The following AUTS2 variants were observed in gnomAD, a reference collection of about 807,000 sequenced individuals.
AUTS2 encodes autism susceptibility gene 2 protein.
A neutral mutation model predicts 112.4 loss-of-function variants in AUTS2; 17 were observed. The ratio of observed to expected loss-of-function variants is 0.15; its 90% CI spans 0.10 to 0.23. AUTS2 has a LOEUF of 0.23. Among genes scored for constraint, AUTS2 ranks in the 10% least tolerant of loss-of-function variants. The pLI, the probability that AUTS2 is intolerant of heterozygous loss-of-function variation, is 1.00. For synonymous variants in AUTS2, 751 were observed against 702.7 expected, an observed-to-expected ratio of 1.07 and a Z score of -1.09; for missense variants, 1,510 against 1,701.6, an observed-to-expected ratio of 0.89 and a Z score of 1.98.
At chr7:70,308,926 T>G (rs1789611845) in intron 4 of AUTS2, among the ~76,000 whole-genome samples, 1 of 152,226 alleles carries the variant, frequency 6.6e-6, no homozygotes, top group Non-Finnish European at 1.5e-5. Context: ...CTTTCGGGTC[T>G]ATAGGGGTGC....
chr7:70,182,621 G>C (rs1028160792), intron 4 of AUTS2, among the ~76,000 whole-genome samples: 10 of 152,136 alleles, frequency 6.6e-5, no homozygotes, highest in Non-Finnish European at 1.3e-4. Context: ...AGTAGAAATA[G>C]AGTGAATGTT....
At chr7:70,040,578 GTTGGC>G (rs145488228) in intron 2 of AUTS2, among the ~76,000 whole-genome samples, 16,657 of 152,118 alleles carry the variant, frequency 0.11, 1,399 homozygotes, top group African/African-American at 0.23. Flanking sequence ...ATTAGGGCAT[GTTGGC>G]TTGGTGGTAC....
chr7:69,960,898 T>A (rs1797404115), intron 2 of AUTS2, among the ~76,000 whole-genome samples: 1 of 152,102 alleles, frequency 6.6e-6, no homozygotes, highest in Non-Finnish European at 1.5e-5. Context: ...GTATATTGAT[T>A]TGCACTTTTG....
intron 4 of AUTS2, among the ~76,000 whole-genome samples, chr7:70,347,112 GC>G (rs1303941444): frequency 6.6e-6 from 1 of 152,126 alleles, no homozygotes; most frequent in African/African-American, 2.4e-5. Flanking sequence ...ATTGCGGTGT[GC>G]CTCCGTTTAC....
At chr7:69,691,158 G>C (rs1442001677) in intron 1 of AUTS2, among the ~76,000 whole-genome samples, 3 of 152,190 alleles carry the variant, frequency 2.0e-5, no homozygotes, top group Admixed American at 6.5e-5. Flanking sequence ...AGTATGTGCT[G>C]ATTGGTCCAT....
At chr7:69,608,360 C>T (rs144254345) in intron 1 of AUTS2, among the ~76,000 whole-genome samples, 95 of 152,300 alleles carry the variant, frequency 6.2e-4, no homozygotes, top group Admixed American at 2.0e-3. Context: ...CACCTACCCT[C>T]GTCTGCAGCA....
chr7:70,455,752 A>G (rs915298996), intron 5 of AUTS2, among the ~76,000 whole-genome samples: 8 of 152,152 alleles, frequency 5.3e-5, no homozygotes, highest in African/African-American at 1.9e-4. Flanking sequence ...ATGCCACTGC[A>G]CTTCAGCCTG....
intron 4 of AUTS2, among the ~76,000 whole-genome samples, chr7:70,407,926 C>T (rs908316337): frequency 2.6e-5 from 4 of 151,964 alleles, no homozygotes; most frequent in East Asian, 3.9e-4. Flanking sequence ...TGGTGGCAGG[C>T]GCCTGTAGTC....
intron 1 of AUTS2, among the ~76,000 whole-genome samples, chr7:69,777,029 T>G (rs1788928426): frequency 6.6e-6 from 1 of 152,216 alleles, no homozygotes; most frequent in East Asian, 1.9e-4. Context: ...TGTCATTACC[T>G]CTTTCCCTAA....
chr7:69,645,926 T>C (rs1795000743), intron 1 of AUTS2, among the ~76,000 whole-genome samples: 1 of 151,264 alleles, frequency 6.6e-6, no homozygotes, highest in African/African-American at 2.4e-5. Context: ...GACTCTACAG[T>C]GATGACTGGT....
At position 70,787,386 on chromosome 7, in the gene AUTS2, A is replaced by T; in HGVS notation, c.2486A>T (p.Asp829Val). The T allele has an allele frequency of 6.2e-7, 1 of 1,614,032 alleles. No individual in the cohort carries two copies. Among genetic ancestry groups the T allele is most frequent in the East Asian group, 2.2e-5 (1 of 44,870 alleles). ...GCTGCAGCTCATGACAGAGATAGAGATGTAGATAAACGAGACTCATCTGTT... is the reference window on the plus strand; with the variant it reads ...GCTGCAGCTCATGACAGAGATAGAGTTGTAGATAAACGAGACTCATCTGTT... ...ASAAAHDRDRDVDKRDSSVSK... is the reference protein window; with the variant it reads ...ASAAAHDRDRVVDKRDSSVSK... Residue 829 changes from aspartate to valine, a missense_variant, in exon 18 of 19, where the codon GAT (aspartate) becomes GTT (valine). Asp to Val is a radical substitution (Grantham distance 152). Around this residue, in one of 3 missense-constraint regions of AUTS2, gnomAD observed 788 missense variants for 797.6 expected, o/e 0.99. Coordinates refer to ENST00000342771, the MANE Select transcript of AUTS2 (RefSeq NM_015570.4).
At chr7:70,594,694 T>A (rs1026603150) in intron 5 of AUTS2, among the ~76,000 whole-genome samples, 5 of 152,068 alleles carry the variant, frequency 3.3e-5, no homozygotes, top group Admixed American at 6.6e-5. Context: ...TGGGCGGAGG[T>A]TGCAAAGGCC....
At chr7:70,049,486 C>A (rs1266157027) in intron 2 of AUTS2, among the ~76,000 whole-genome samples, 1 of 151,906 alleles carries the variant, frequency 6.6e-6, no homozygotes, top group Non-Finnish European at 1.5e-5. Flanking sequence ...CCTGCCACCA[C>A]GCCTGGCTAA....
At chr7:70,043,361 G>C (rs912464663) in intron 2 of AUTS2, among the ~76,000 whole-genome samples, 11 of 151,728 alleles carry the variant, frequency 7.2e-5, no homozygotes, top group African/African-American at 2.4e-4. Context: ...CAGAAACGTT[G>C]GACATAATTA....
rs60553891 is a variant in AUTS2 at position 69,850,398 on chromosome 7, C to CAAAAA, written c.310-48855_310-48851dup. 2.7e-3 allele frequency among the ~76,000 whole-genome samples: 94 copies of CAAAAA among 34,680 alleles called. 34 individuals are homozygous for CAAAAA. Among genetic ancestry groups the CAAAAA allele is most frequent in the Non-Finnish European group, 3.6e-3 (64 of 17,708 alleles). 22.8% of individuals were successfully genotyped at this position (34,680 alleles called of 152,430 possible). On this transcript the variant is annotated intron_variant, in intron 1 of 18. Coordinates refer to ENST00000342771, the MANE Select transcript of AUTS2 (RefSeq NM_015570.4). ...TGGGCAACAGAGCGAAACTCTGTCT[C>CAAAAA]AAAAAAAAAAAAAAAAAAAAAAAAA...
intron 4 of AUTS2, among the ~76,000 whole-genome samples, chr7:70,348,179 C>G (rs1791584881): frequency 6.6e-6 from 1 of 152,134 alleles, no homozygotes; most frequent in Non-Finnish European, 1.5e-5. Flanking sequence ...ATCCCCACCA[C>G]AACAGGCTGT....
chr7:70,775,218 T>C (rs900679108), intron 12 of AUTS2, 139 bp from the exon 13 acceptor site: 11 of 741,832 alleles, frequency 1.5e-5, no homozygotes, highest in Admixed American at 5.2e-5. Context: ...ATGGGTTAAT[T>C]ATTCTCTAAA....
chr7:69,979,661 A>C (rs1798212390), intron 2 of AUTS2, among the ~76,000 whole-genome samples: 1 of 152,194 alleles, frequency 6.6e-6, no homozygotes, highest in Non-Finnish European at 1.5e-5. Context: ...GCAGCAATTG[A>C]GCCACTTGAT....
chr7:70,479,705 C>T (rs1797715515), intron 5 of AUTS2, among the ~76,000 whole-genome samples: 1 of 151,906 alleles, frequency 6.6e-6, no homozygotes, highest in South Asian at 2.1e-4. Flanking sequence ...CTCTTTTTGC[C>T]TCCGGAACTC....
Sources: gnomAD v4.1 joint callset for allele counts (sites outside exome capture counted in the v4.1 genomes callset) on GRCh38, gnomAD v4.1.1 for gene constraint, gnomAD v4.1.1 regional missense constraint, MANE v1.5 for transcripts, NCBI Gene and HGNC (gene_info 2026-07-23, HGNC 2026-07-21) for gene names.